Variants in CSNK2A1 observed in about 807,000 individuals in gnomAD.
CSNK2A1 encodes casein kinase II subunit alpha.
A neutral mutation model predicts 62.9 loss-of-function variants in CSNK2A1; 10 were observed. The ratio of observed to expected loss-of-function variants is 0.16; its 90% confidence interval spans 0.10 to 0.27. The LOEUF (loss-of-function observed/expected upper bound fraction) is 0.27, where lower values mean the gene tolerates loss of function less well. CSNK2A1 is among the 10% of genes least tolerant of loss of function. CSNK2A1 has a pLI of 1.00. For missense variants in CSNK2A1, 160 were observed against 492.0 expected (o/e 0.33, Z 6.38); for synonymous variants, 124 against 167.8 (o/e 0.74, Z 2.02).
rs141876839 is a variant in CSNK2A1, at chr20:505,172, T to C, written c.159A>G (p.Val53=). 2.4e-5 allele frequency: 38 copies of C among 1,613,710 alleles called. No homozygotes were observed. The African/African-American group carries it at 4.1e-4, about 18-fold the overall frequency. ...RKLGRGKYSE[V]FEAINITNNE... The stretch of plus-strand genomic sequence containing the variant: ...TATTTGTGATGTTGATGGCTTCAAA[T>C]ACTTCACTGTATTTACCTCGGCCTA... Residue 53 remains valine, a synonymous_variant, in exon 4 of 14, where the codon GTA becomes GTG. Coordinates refer to ENST00000217244, the MANE Select transcript of CSNK2A1 (RefSeq NM_177559.3).
chr20:530,537 T>C (rs2019191720), intron 1 of CSNK2A1, among the ~76,000 whole-genome samples: 1 of 150,402 alleles, frequency 6.6e-6, no homozygotes, highest in African/African-American at 2.5e-5. Context: ...GGCATGATCA[T>C]AGTTCACTTC....
intron 2 of CSNK2A1, among the ~76,000 whole-genome samples, chr20:516,533 T>A (rs988585751): frequency 1.3e-5 from 2 of 152,188 alleles, no homozygotes; most frequent in African/African-American, 4.8e-5. Context: ...AATCATAAGT[T>A]TACTGATATA....
Position 477,455 on chromosome 20 carries a change from G to A in CSNK2A1, c.*6506C>T, listed in dbSNP as rs1714125803. 1 of 152,340 alleles carries A rather than the reference G, an allele frequency of 6.6e-6. No individual in the cohort carries two copies. The allele number at this position is 152,340 out of a possible 1,614,324, so 9.4% of individuals were successfully genotyped here. On this transcript the variant is annotated 3_prime_UTR_variant, in exon 14 of 14. Coordinates refer to ENST00000217244, the MANE Select transcript of CSNK2A1 (RefSeq NM_177559.3). ...AAGTGTTCCAACCACAGGTGTGTGG[G>A]CCTTCCGTGGTATCTTAACCTCATC... is the stretch of plus-strand genomic sequence containing the variant.
intron 1 of CSNK2A1, among the ~76,000 whole-genome samples, chr20:535,361 A>G (rs902552555): frequency 6.6e-6 from 1 of 152,244 alleles, no homozygotes; most frequent in African/African-American, 2.4e-5. Flanking sequence ...TACATGCTTG[A>G]ATACTTAATT....
chr20:508,685 C>A, intron 2 of CSNK2A1, 25 bp from the exon 3 acceptor site: 1 of 730,060 alleles, frequency 1.4e-6, no homozygotes, highest in Non-Finnish European at 2.3e-6. Context: ...TGCACAAAGT[C>A]CAAGGAATCA....
chr20:506,277 A>G (rs1485348196), intron 3 of CSNK2A1: 1 of 152,232 alleles, frequency 6.6e-6, no homozygotes, highest in East Asian at 1.9e-4. Context: ...ATCTAGCCAC[A>G]CTTTGGCAGC....
At chr20:514,925 A>G (rs2018797645) in intron 2 of CSNK2A1, among the ~76,000 whole-genome samples, 1 of 152,226 alleles carries the variant, frequency 6.6e-6, no homozygotes, top group Non-Finnish European at 1.5e-5. Flanking sequence ...ACTATGAAAA[A>G]GTACTATCCT....
chr20:474,681 G>A lies in CSNK2A1; in HGVS notation c.*9280C>T, dbSNP rs897283741. 6.6e-6 allele frequency: 1 copy of A among 152,180 alleles called. No individual in the cohort carries two copies. The highest frequency in any genetic ancestry group is 2.4e-5 in the African/African-American group (1 of 41,430). The allele number at this position is 152,180 out of a possible 1,614,324, so 9.4% of individuals were successfully genotyped here. On this transcript the variant is annotated 3_prime_UTR_variant, in exon 14 of 14. Coordinates refer to ENST00000217244, the MANE Select transcript of CSNK2A1 (RefSeq NM_177559.3). ...TTAGTTCCCCTTATAAATGATGAGAGTTTAGAGCTTAGACCGCTTGTCCTG... is the reference window on the plus strand; with the variant it reads ...TTAGTTCCCCTTATAAATGATGAGAATTTAGAGCTTAGACCGCTTGTCCTG...
intron 7 of CSNK2A1, 35 bp downstream of exon 7, chr20:497,686 A>G: frequency 6.5e-7 from 1 of 1,549,888 alleles, no homozygotes. Flanking sequence ...AAGAAGACCA[A>G]TTTAAAAAAT....
At position 482,139 on chromosome 20, in the gene CSNK2A1, A is replaced by G. The variant is rs1026450960; in HGVS notation, c.*1822T>C. On this transcript the variant is annotated 3_prime_UTR_variant, in exon 14 of 14. Coordinates refer to ENST00000217244, the MANE Select transcript of CSNK2A1 (RefSeq NM_177559.3). ...AAGTTAGATAAGTTCATTAAATTCA[A>G]CTCCCCAAACAATTACGTTTATCTA... 4 of 152,114 alleles carry G rather than the reference A, an allele frequency of 2.6e-5. No homozygotes were observed. Among genetic ancestry groups the G allele is most frequent in the Admixed American group, 2.6e-4 (4 of 15,260 alleles). 9.4% of individuals were successfully genotyped at this position (152,114 alleles called of 1,614,324 possible).
At chr20:491,760 A>C (rs1316759322) in intron 9 of CSNK2A1, among the ~76,000 whole-genome samples, 3 of 152,006 alleles carry the variant, frequency 2.0e-5, no homozygotes, top group Non-Finnish European at 4.4e-5. Context: ...AGTCTCTACT[A>C]AAAATACAAG....
At chr20:536,110 G>A (rs1316781320) in intron 1 of CSNK2A1, among the ~76,000 whole-genome samples, 4 of 151,840 alleles carry the variant, frequency 2.6e-5, no homozygotes, top group East Asian at 3.9e-4. Context: ...CACTGTACAC[G>A]AGTAATTGAG....
At position 502,026 on chromosome 20, in the gene CSNK2A1, C is replaced by T. The variant is rs558880949; in HGVS notation, c.214-2092G>A. 6 of 152,314 alleles carry T rather than the reference C, an allele frequency of 3.9e-5. No individual in the cohort carries two copies. The South Asian group carries it at 8.3e-4, about 21-fold the overall frequency. The allele number at this position is 152,314 out of a possible 1,614,324, so 9.4% of individuals were successfully genotyped here. ...GCAGATTTTGGAAACATTGACAGTT[C>T]TCAAAACCTGGCTTTGTGGTTGTGC... On this transcript the variant is annotated intron_variant, in intron 4 of 13. Transcript: ENST00000217244.
chr20:513,854 T>G (rs2018774066), intron 2 of CSNK2A1, among the ~76,000 whole-genome samples: 1 of 152,226 alleles, frequency 6.6e-6, no homozygotes, highest in Non-Finnish European at 1.5e-5. Context: ...CTAACTATTT[T>G]TGCAGTACCC....
At chr20:527,203 C>G (rs557336041) in intron 2 of CSNK2A1, among the ~76,000 whole-genome samples, 46 of 152,222 alleles carry the variant, frequency 3.0e-4, no homozygotes, top group African/African-American at 1.1e-3. Flanking sequence ...TTTGTGCCCA[C>G]AAACTTGAAA....
At chr20:540,496 A>C (rs1422284322) in intron 1 of CSNK2A1, among the ~76,000 whole-genome samples, 1 of 152,126 alleles carries the variant, frequency 6.6e-6, no homozygotes, top group Non-Finnish European at 1.5e-5. Context: ...GGCCCTCACT[A>C]GCAGAGTCAT....
rs546625233 is a variant in CSNK2A1, at chr20:528,756, C to A, written c.-226-707G>T. On this transcript the variant is annotated intron_variant, in intron 1 of 13. Transcript: ENST00000217244. ...GGATTATAGGCATGAGCCACCATGC[C>A]CAGCCAGATTTATCACTGTTAAACC... Among the ~76,000 whole-genome samples the A allele has an allele frequency of 3.9e-5, 6 of 152,210 alleles. No homozygotes were observed. In the Middle Eastern group the frequency reaches 0.01, roughly 259 times the overall value.
chr20:532,330 A>AC (rs2019230037), intron 1 of CSNK2A1, among the ~76,000 whole-genome samples: 1 of 122,002 alleles, frequency 8.2e-6, no homozygotes, highest in Non-Finnish European at 1.7e-5. Flanking sequence ...TGCCCGGCTA[A>AC]TTTTTTTTTT....
At chr20:492,960 A>G (rs750533394) in intron 8 of CSNK2A1, among the ~76,000 whole-genome samples, 2 of 152,224 alleles carry the variant, frequency 1.3e-5, no homozygotes, top group Non-Finnish European at 2.9e-5. Context: ...ACATGGAAAA[A>G]GGGGTAAGAG....
Sources: allele counts gnomAD v4.1 joint callset (sites outside exome capture counted in the v4.1 genomes callset), GRCh38; gene constraint gnomAD v4.1.1; transcripts MANE v1.5; gene names NCBI Gene and HGNC (gene_info 2026-07-23, HGNC 2026-07-21).